WIPF1: variants seen among roughly 807,000 people sequenced by gnomAD.
The protein encoded by WIPF1 is WAS/WASL interacting protein family member 1, also known as WAS/WASL-interacting protein family member 1.
A neutral mutation model predicts 35.4 loss-of-function variants in WIPF1; 13 were observed. The observed-to-expected ratio is 0.37, with a 90% CI of 0.24 to 0.58. The LOEUF (loss-of-function observed/expected upper bound fraction) is 0.58. Among genes scored for constraint, WIPF1 ranks in the 20% least tolerant of loss-of-function variants. The pLI is 0.74. For missense variants in WIPF1, 591 were observed against 667.0 expected (o/e 0.89, Z 1.25); for synonymous variants, 267 against 266.3 (o/e 1.00, Z -0.02).
At chr2:174,600,936 T>TC (rs1204816444), upstream of WIPF1, among the ~76,000 whole-genome samples, 2 of 133,238 alleles carry the variant, frequency 1.5e-5, no homozygotes, top group Non-Finnish European at 3.3e-5. Context: ...TTTTTTTTTT[T>TC]TTTTTTGAGA....
intron 4 of WIPF1, among the ~76,000 whole-genome samples, chr2:174,573,050 T>C (rs1684926893): frequency 6.6e-6 from 1 of 152,176 alleles, no homozygotes; most frequent in East Asian, 1.9e-4. Flanking sequence ...CAGTAAAGTT[T>C]AATTGTAAGA....
At chr2:174,678,427 T>C (rs1226511078) in intron 1 of WIPF1, among the ~76,000 whole-genome samples, 1 of 152,208 alleles carries the variant, frequency 6.6e-6, no homozygotes, top group African/African-American at 2.4e-5. Context: ...TTTTGACTTC[T>C]CAACAAATAT....
At chr2:174,592,646 C>T (rs1321961104) in intron 1 of WIPF1, among the ~76,000 whole-genome samples, 5 of 148,960 alleles carry the variant, frequency 3.4e-5, no homozygotes, top group African/African-American at 7.4e-5. Flanking sequence ...GGCTCTGTTG[C>T]CCAGGCTGGA....
At chr2:174,607,860 G>C (rs13024525) in intron 1 of WIPF1, among the ~76,000 whole-genome samples, 4 of 152,220 alleles carry the variant, frequency 2.6e-5, no homozygotes, top group Admixed American at 6.5e-5. Context: ...TAATGCAGGT[G>C]CTTGAAAATA....
At position 174,579,337 on chromosome 2, in the gene WIPF1, A is replaced by C. The variant is rs372831638; in HGVS notation, c.181+1973T>G. 1.1e-3 allele frequency among the ~76,000 whole-genome samples: 172 copies of C among 152,298 alleles called. 1 individual carries two copies. Among genetic ancestry groups the C allele is most frequent in the African/African-American group, 3.7e-3 (155 of 41,560 alleles). On this transcript the variant is annotated intron_variant, in intron 3 of 7. Transcript: ENST00000679041. ...TGTTCTTAACCTGCAACATCTGTCC[A>C]TCTTTCAGAAAGAGAAGCTAAAGCT...
At chr2:174,570,773 A>C (rs1014138766) in intron 5 of WIPF1, 1 of 152,230 alleles carries the variant, frequency 6.6e-6, no homozygotes, top group Non-Finnish European at 1.5e-5. Flanking sequence ...ATCTCTGCGT[A>C]AAGGAAAAAA....
At chr2:174,669,929 G>C (rs1003940157) in intron 1 of WIPF1, among the ~76,000 whole-genome samples, 2 of 152,166 alleles carry the variant, frequency 1.3e-5, no homozygotes, top group African/African-American at 4.8e-5. Flanking sequence ...TGTTATGCTG[G>C]AGAGGAGTGC....
At chr2:174,587,455 C>T (rs892966224) in intron 1 of WIPF1, 1 of 152,180 alleles carries the variant, frequency 6.6e-6, no homozygotes, top group Admixed American at 6.5e-5. Context: ...TGCTAAATGG[C>T]TTGCTTTCTG....
At chr2:174,639,163 A>G (rs1236943526) in intron 1 of WIPF1, among the ~76,000 whole-genome samples, 3 of 152,226 alleles carry the variant, frequency 2.0e-5, no homozygotes, top group African/African-American at 7.2e-5. Context: ...AGAGTGAAGT[A>G]TATCTCACTG....
chr2:174,665,239 C>G (rs72914576), intron 1 of WIPF1: 20,672 of 152,254 alleles, frequency 0.14, 1,901 homozygotes, highest in Non-Finnish European at 0.19. Context: ...TCCTGTTTTA[C>G]TACGAAGCAA....
rs191088141 is a variant in WIPF1 at position 174,618,704 on chromosome 2, C to G, written c.-38-33093G>C. On this transcript the variant is annotated intron_variant, in intron 1 of 8. Coordinates refer to the WIPF1 transcript ENST00000272746. ...GAACAGACAAGTTAAGTTATTTGAC[C>G]AAGGCCACAGAGCTTATAAGTGGCA... 4.3e-3 allele frequency among the ~76,000 whole-genome samples: 647 copies of G among 152,178 alleles called. 3 individuals are homozygous for G. The highest frequency in any genetic ancestry group is 6.6e-3 in the Non-Finnish European group (452 of 68,016).
chr2:174,663,158 C>A (rs1484801208), intron 1 of WIPF1, among the ~76,000 whole-genome samples: 2 of 152,226 alleles, frequency 1.3e-5, no homozygotes, highest in East Asian at 3.9e-4. Flanking sequence ...GGGATCAGGG[C>A]CACAGCTGAG....
intron 7 of WIPF1, 129 bp downstream of exon 7, chr2:174,566,941 T>C: frequency 1.4e-6 from 1 of 730,554 alleles, no homozygotes. Context: ...GGGAATTTAC[T>C]AGAATGTAGA....
intron 1 of WIPF1, among the ~76,000 whole-genome samples, chr2:174,634,941 T>C (rs1256931575): frequency 6.6e-6 from 1 of 152,158 alleles, no homozygotes; most frequent in African/African-American, 2.4e-5. Context: ...GCTTGGGTGC[T>C]CTGCTGTCAT....
At chr2:174,581,169 G>A (rs1262003588) in intron 3 of WIPF1, 141 bp downstream of exon 3, 3 of 1,229,856 alleles carry the variant, frequency 2.4e-6, no homozygotes, top group Non-Finnish European at 2.2e-6. Flanking sequence ...TACAGGGAGT[G>A]ATACAGTCCC....
Position 174,571,988 on chromosome 2 carries a change from T to G in WIPF1, c.817A>C (p.Asn273His). 1 of 1,554,142 alleles carries G rather than the reference T, an allele frequency of 6.4e-7. No homozygotes were observed. Among genetic ancestry groups the G allele is most frequent in the Non-Finnish European group, 8.7e-7 (1 of 1,152,744 alleles). ...KPPPPPPPVGNRPSIHREAVP... is the reference protein window; with the variant it reads ...KPPPPPPPVGHRPSIHREAVP... ...GCTTCCCTGTGGATGGAGGGCCTGT[T>G]GCCCACTGGAGGAGGTGGTGGAGGG... The change falls in exon 5 of 8, where the codon AAC becomes CAC. Residue 273 changes from asparagine (N) to histidine (H), a missense_variant. By Grantham distance (68) the Asn-to-His change is moderately conservative. Around this residue, in one of 3 missense-constraint regions of WIPF1, gnomAD observed 471 missense variants for 501.1 expected, o/e 0.94. Coordinates refer to ENST00000679041, the MANE Select transcript of WIPF1 (RefSeq NM_001375834.1). The surrounding 1 kb of genome is among the most constrained non-coding windows in gnomAD (Gnocchi z 4.6).
At chr2:174,673,814 A>C (rs562256852) in intron 1 of WIPF1, 1 of 136,256 alleles carries the variant, frequency 7.3e-6, no homozygotes, top group Admixed American at 8.2e-5. Context: ...AACTTTGAAA[A>C]CACTAATATT....
chr2:174,636,411 G>A (rs2105941837), intron 1 of WIPF1, among the ~76,000 whole-genome samples: 1 of 152,126 alleles, frequency 6.6e-6, no homozygotes, highest in South Asian at 2.1e-4. Flanking sequence ...CAGATTTACA[G>A]AAAAACTGAG....
At chr2:174,669,363 T>C (rs1291428195) in intron 1 of WIPF1, among the ~76,000 whole-genome samples, 1 of 152,218 alleles carries the variant, frequency 6.6e-6, no homozygotes, top group Non-Finnish European at 1.5e-5. Context: ...TTAATTGTGG[T>C]CAATAGTTTC....
Sources: allele counts gnomAD v4.1 joint callset (sites outside exome capture counted in the v4.1 genomes callset), GRCh38; gene constraint gnomAD v4.1.1; regional missense constraint gnomAD v4.1.1; non-coding constraint Gnocchi (gnomAD v3.1); transcripts MANE v1.5; gene names NCBI Gene and HGNC (gene_info 2026-07-23, HGNC 2026-07-21).